NRCAM: variants seen among roughly 807,000 people sequenced by gnomAD.
NRCAM encodes the protein neuronal cell adhesion molecule.
Under a neutral mutation model 156.5 loss-of-function variants are expected in NRCAM, and 83 were observed. The ratio of observed to expected loss-of-function variants is 0.53; its 90% confidence interval spans 0.44 to 0.64. The LOEUF (loss-of-function observed/expected upper bound fraction) is 0.64, where lower values mean the gene tolerates loss of function less well. Ranked by LOEUF, NRCAM falls within the 30% of genes least tolerant of loss-of-function variation. NRCAM has a pLI of 0.00. For missense variants in NRCAM, 1,417 were observed against 1,597.3 expected, an observed-to-expected ratio of 0.89 and a Z score of 1.92; for synonymous variants, 538 against 563.9, an observed-to-expected ratio of 0.95 and a Z score of 0.65.
intron 1 of NRCAM, among the ~76,000 whole-genome samples, chr7:108,455,209 C>T (rs955363063): frequency 7.2e-5 from 11 of 152,172 alleles, no homozygotes; most frequent in Non-Finnish European, 1.6e-4. Flanking sequence ...CACCCCGTCC[C>T]CCTCCGCACT....
intron 1 of NRCAM, among the ~76,000 whole-genome samples, chr7:108,448,313 A>G (rs1477556841): frequency 1.3e-5 from 2 of 152,248 alleles, no homozygotes; most frequent in African/African-American, 4.8e-5. Context: ...TAACTGTTCA[A>G]ATATTGCCAT....
intron 2 of NRCAM, among the ~76,000 whole-genome samples, chr7:108,352,515 G>A (rs2099422344): frequency 6.6e-6 from 1 of 152,190 alleles, no homozygotes; most frequent in East Asian, 1.9e-4. Context: ...TGCTCTGCCT[G>A]TGTTTTTGTA....
chr7:108,330,813 T>A (rs1170650635), intron 2 of NRCAM, among the ~76,000 whole-genome samples: 1 of 152,160 alleles, frequency 6.6e-6, no homozygotes, highest in South Asian at 2.1e-4. Flanking sequence ...TATTTTATCA[T>A]CTGGTTTAAC....
At chr7:108,238,260 T>C (rs769240403) in intron 4 of NRCAM, among the ~76,000 whole-genome samples, 1 of 152,202 alleles carries the variant, frequency 6.6e-6, no homozygotes, top group Non-Finnish European at 1.5e-5. Context: ...ACACTAATTT[T>C]AGATTTTTAT....
At chr7:108,305,277 CAGTA>C (rs1170280451) in intron 3 of NRCAM, among the ~76,000 whole-genome samples, 1 of 152,120 alleles carries the variant, frequency 6.6e-6, no homozygotes, top group Non-Finnish European at 1.5e-5. Flanking sequence ...GTTGGATTCT[CAGTA>C]AGAGAGAAAT....
At chr7:108,150,258 C>A in intron 32 of NRCAM, 111 bp from the exon 33 acceptor site, 1 of 841,714 alleles carries the variant, frequency 1.2e-6, no homozygotes, top group Non-Finnish European at 1.9e-6. Flanking sequence ...CTGGGCTTCT[C>A]TGGCCAAATC....
At chr7:108,263,723 G>A (rs948935511) in intron 3 of NRCAM, among the ~76,000 whole-genome samples, 1 of 152,240 alleles carries the variant, frequency 6.6e-6, no homozygotes, top group Admixed American at 6.5e-5. Flanking sequence ...CTTATGGGAT[G>A]ACTTAATCAG....
At chr7:108,317,891 A>G (rs1475731783) in intron 2 of NRCAM, among the ~76,000 whole-genome samples, 2 of 148,202 alleles carry the variant, frequency 1.3e-5, no homozygotes, top group Non-Finnish European at 3.0e-5. Context: ...CCTGGGTGAC[A>G]GAGGGAGACT....
intron 2 of NRCAM, among the ~76,000 whole-genome samples, chr7:108,348,226 A>C (rs1227169636): frequency 6.6e-6 from 1 of 152,138 alleles, no homozygotes; most frequent in Non-Finnish European, 1.5e-5. Context: ...AGAGATGTGC[A>C]TGCATGTGTG....
At chr7:108,442,488 A>G (rs1839743170) in intron 1 of NRCAM, among the ~76,000 whole-genome samples, 1 of 152,218 alleles carries the variant, frequency 6.6e-6, no homozygotes, top group Non-Finnish European at 1.5e-5. Flanking sequence ...TGGTTTCCCA[A>G]GATGTATTCT....
intron 1 of NRCAM, among the ~76,000 whole-genome samples, chr7:108,406,326 AACAG>A (rs1263591850): frequency 2.6e-5 from 4 of 152,178 alleles, no homozygotes; most frequent in Non-Finnish European, 4.4e-5. Context: ...ATGTAATAAG[AACAG>A]ACAAAGAAAG....
chr7:108,431,630 C>T (rs546310414), intron 1 of NRCAM, among the ~76,000 whole-genome samples: 3 of 152,092 alleles, frequency 2.0e-5, no homozygotes, highest in East Asian at 3.9e-4. Context: ...GAAAAAAATA[C>T]AAAAATTAGC....
At chr7:108,175,028 C>A (rs1202807813) in intron 28 of NRCAM, among the ~76,000 whole-genome samples, 2 of 152,158 alleles carry the variant, frequency 1.3e-5, no homozygotes, top group East Asian at 3.9e-4. Context: ...GGATCTGTGA[C>A]AAATACACAG....
intron 11 of NRCAM, among the ~76,000 whole-genome samples, chr7:108,220,460 A>ATGATAC (rs1236455226): frequency 1.2e-4 from 19 of 152,338 alleles, no homozygotes; most frequent in Admixed American, 2.6e-4. Flanking sequence ...CTATAAGGCC[A>ATGATAC]TGGTCACCAA....
At chr7:108,436,133 C>CAAAT (rs562700795) in intron 1 of NRCAM, among the ~76,000 whole-genome samples, 297 of 152,168 alleles carry the variant, frequency 2.0e-3, no homozygotes, top group African/African-American at 3.3e-3. Context: ...GACTCCGTCT[C>CAAAT]AAATAAATAA....
intron 2 of NRCAM, among the ~76,000 whole-genome samples, chr7:108,329,302 A>G (rs2099102878): frequency 6.6e-6 from 1 of 152,246 alleles, no homozygotes; most frequent in African/African-American, 2.4e-5. Context: ...TGCATAATAC[A>G]TTAGGATTAT....
At chr7:108,214,832 A>G (rs560288835) in intron 11 of NRCAM, among the ~76,000 whole-genome samples, 9 of 152,206 alleles carry the variant, frequency 5.9e-5, no homozygotes, top group African/African-American at 2.2e-4. Context: ...GAACTTATTT[A>G]TTTCTGCCTT....
intron 8 of NRCAM, 73 bp from the exon 9 acceptor site, chr7:108,226,451 G>A (rs2093451771): frequency 9.8e-7 from 1 of 1,019,790 alleles, no homozygotes; most frequent in Non-Finnish European, 1.5e-6. Flanking sequence ...CAAGATAAAT[G>A]TACCTACTAA....
chr7:108,455,846 C>T (rs1322503466), intron 1 of NRCAM, among the ~76,000 whole-genome samples: 2 of 152,164 alleles, frequency 1.3e-5, no homozygotes, highest in East Asian at 3.9e-4. Context: ...GCCGCCGTGC[C>T]GGGCCCGCAG....
Sources: gnomAD v4.1 joint callset for allele counts (sites outside exome capture counted in the v4.1 genomes callset) on GRCh38, gnomAD v4.1.1 for gene constraint, MANE v1.5 for transcripts, NCBI Gene and HGNC (gene_info 2026-07-23, HGNC 2026-07-21) for gene names.